Variants in FNDC4 observed in about 807,000 individuals in gnomAD.
FNDC4 encodes the protein fibronectin type III domain containing 4.
A neutral mutation model predicts 25.1 loss-of-function variants in FNDC4; 11 were observed. That is an observed-to-expected ratio of 0.44 (90% CI 0.28 to 0.73). The LOEUF (loss-of-function observed/expected upper bound fraction) is 0.73. FNDC4 is among the 30% of genes least tolerant of loss of function. The pLI is 0.16. For synonymous variants in FNDC4, 136 were observed against 118.8 expected (o/e 1.14, Z -0.94); for missense variants, 250 against 304.3 (o/e 0.82, Z 1.33).
At position 27,492,556 on chromosome 2, in the gene FNDC4, C is replaced by T. The variant is rs116956963; in HGVS notation, c.670-78G>A. The T allele has an allele frequency of 2.2e-4, 348 of 1,592,912 alleles. 1 individual carries two copies. The East Asian group carries it at 7.5e-3, about 34-fold the overall frequency. The stretch of plus-strand genomic sequence containing the variant: ...CCTTTCTCTCCAGCCTCCCCCATCC[C>T]AGATCTTCCATTCTCCATCTTTTTC... On this transcript the variant is annotated intron_variant, in intron 6 of 6. Transcript: ENST00000264703. This position sits in a 1 kb window ranked among gnomAD's most constrained non-coding sequence, Gnocchi z 4.1.
In FNDC4 at chr2:27,494,892, G is replaced by C. The variant is rs540975757; in HGVS notation, c.-39C>G. ...CCCACACCCACCTCCGCCGGTCCTC[G>C]CGGTTGGTCAGGCCTCGGGGGGCTG... On this transcript the variant is annotated 5_prime_UTR_variant, in exon 1 of 7. Coordinates refer to ENST00000264703, the MANE Select transcript of FNDC4 (RefSeq NM_022823.3). This position sits in a 1 kb window ranked among gnomAD's most constrained non-coding sequence, Gnocchi z 4.6. 12 of 492,864 alleles carry C rather than the reference G, an allele frequency of 2.4e-5. No homozygotes were observed. The Admixed American group carries it at 3.8e-4, about 16-fold the overall frequency. The allele number at this position is 492,864 out of a possible 1,614,324, so 30.5% of individuals were successfully genotyped here.
chr2:27,494,079 G>A lies in FNDC4; in HGVS notation c.305C>T (p.Ala102Val). ...TTCAGCCAGGCCCCAGAGGGCACAG[G>A]CCCGGGTGGTGGTGTTCACCTCCCG... ...VIREVNTTTR[A>V]CALWGLAEDS... Residue 102 changes from alanine (A) to valine (V), a missense_variant, in exon 4 of 7, where the codon GCC becomes GTC. Physicochemically the swap from Ala to Val is moderately conservative, Grantham distance 64 (BLOSUM62 0). Coordinates refer to ENST00000264703, the MANE Select transcript of FNDC4 (RefSeq NM_022823.3). The surrounding 1 kb of genome is among the most constrained non-coding windows in gnomAD (Gnocchi z 4.6). 2 of 1,614,174 alleles carry A rather than the reference G, an allele frequency of 1.2e-6. No homozygotes were observed. The highest frequency in any genetic ancestry group is 1.7e-6 in the Non-Finnish European group (2 of 1,180,026).
chr2:27,494,464 G>A lies in FNDC4; in HGVS notation c.136C>T (p.Arg46Trp), dbSNP rs1669332617. 2 of 1,614,032 alleles carry A rather than the reference G, an allele frequency of 1.2e-6. No homozygotes were observed. Among genetic ancestry groups the A allele is most frequent in the East Asian group, 2.2e-5 (1 of 44,866 alleles). Reference protein sequence around the residue: ...SCDLGFVRADRPPSPVNVTVT... With the variant: ...SCDLGFVRADWPPSPVNVTVT... ...GTCACATTCACAGGAGAGGGAGGCC[G>A]GTCTGCGGGAGCCAGGGTGTTTAAC... Residue 46 changes from arginine to tryptophan, a missense_variant and splice_region_variant, in exon 3 of 7, where the codon CGG (arginine) becomes TGG (tryptophan). Physicochemically the swap from Arg to Trp is moderately radical, Grantham distance 101. Coordinates refer to ENST00000264703, the MANE Select transcript of FNDC4 (RefSeq NM_022823.3). The surrounding 1 kb of genome is among the most constrained non-coding windows in gnomAD (Gnocchi z 4.6).
In FNDC4 at chr2:27,492,802, T is replaced by C; in HGVS notation, c.545-12A>G. 1 of 1,613,948 alleles carries C rather than the reference T, an allele frequency of 6.2e-7. No individual in the cohort carries two copies. The highest frequency in any genetic ancestry group is 1.6e-4 in the Middle Eastern group (1 of 6,062). ...CAGCCCAATTACAGCTGAAACACAA[T>C]ACAGTCTGAGCCTTCATCTCCACTT... On this transcript the variant is annotated splice_polypyrimidine_tract_variant and intron_variant, in intron 5 of 6. Coordinates refer to ENST00000264703, the MANE Select transcript of FNDC4 (RefSeq NM_022823.3). The surrounding 1 kb of genome is among the most constrained non-coding windows in gnomAD (Gnocchi z 4.1).
At position 27,492,814 on chromosome 2, in the gene FNDC4, C is replaced by G. The variant is rs1669288257; in HGVS notation, c.545-24G>C. The G allele has an allele frequency of 3.1e-6, 5 of 1,613,608 alleles. No individual in the cohort carries two copies. The highest frequency in any genetic ancestry group is 1.3e-5 in the African/African-American group (1 of 74,876). ...AGCTGAAACACAATACAGTCTGAGC[C>G]TTCATCTCCACTTCCCCCCTCATAG... is the stretch of plus-strand genomic sequence containing the variant. On this transcript the variant is annotated intron_variant, in intron 5 of 6. Coordinates refer to ENST00000264703, the MANE Select transcript of FNDC4 (RefSeq NM_022823.3). The surrounding 1 kb of genome is among the most constrained non-coding windows in gnomAD (Gnocchi z 4.1).
At chr2:27,493,354 T>G in intron 5 of FNDC4, 35 bp downstream of exon 5, 3 of 1,547,834 alleles carry the variant, frequency 1.9e-6, no homozygotes, top group Non-Finnish European at 2.7e-6. Flanking sequence ...ACACCTTTAC[T>G]GAGTCCCTGG....
In FNDC4 at chr2:27,492,078, C is replaced by T; in HGVS notation, c.*365G>A. Reference sequence around the variant, plus strand: ...GTAAGAGGAGTACCCACAGAAACACCCCTCTCTGAGGGCCAGAGGCAAGAT... The same window carrying T: ...GTAAGAGGAGTACCCACAGAAACACTCCTCTCTGAGGGCCAGAGGCAAGAT... On this transcript the variant is annotated 3_prime_UTR_variant, in exon 7 of 7. Coordinates refer to ENST00000264703, the MANE Select transcript of FNDC4 (RefSeq NM_022823.3). This position sits in a 1 kb window ranked among gnomAD's most constrained non-coding sequence, Gnocchi z 4.1. 1 of 315,868 alleles carries T rather than the reference C, an allele frequency of 3.2e-6. No individual in the cohort carries two copies. The highest frequency in any genetic ancestry group is 5.9e-6 in the Non-Finnish European group (1 of 168,726). The allele number at this position is 315,868 out of a possible 1,614,324, so 19.6% of individuals were successfully genotyped here. A position where few individuals can be genotyped will look rare whatever the true frequency, so the allele number is the denominator to read the frequency against.
chr2:27,493,348 C>T, intron 5 of FNDC4, 41 bp downstream of exon 5: 1 of 1,525,194 alleles, frequency 6.6e-7, no homozygotes, highest in South Asian at 1.1e-5. Flanking sequence ...CACCTCACAC[C>T]TTTACTGAGT....
intron 4 of FNDC4, 87 bp from the exon 5 acceptor site, chr2:27,493,565 A>T (rs965670616): frequency 1.9e-6 from 2 of 1,079,850 alleles, no homozygotes; most frequent in Admixed American, 1.7e-5. Flanking sequence ...GGGATTAGAA[A>T]GGGTGGACCC....
Position 27,492,358 on chromosome 2 carries a change from G to C in FNDC4, c.*85C>G. Reference sequence around the variant, plus strand: ...AGTGGCATTACCCTCTGGGAGTCTCGGGCAGATCACCATCTTGGGCTCCCC... The same window carrying C: ...AGTGGCATTACCCTCTGGGAGTCTCCGGCAGATCACCATCTTGGGCTCCCC... On this transcript the variant is annotated 3_prime_UTR_variant, in exon 7 of 7. Transcript: ENST00000264703. This position sits in a 1 kb window ranked among gnomAD's most constrained non-coding sequence, Gnocchi z 4.1. 1 of 1,532,926 alleles carries C rather than the reference G, an allele frequency of 6.5e-7. No individual in the cohort carries two copies. The allele number at this position is 1,532,926 out of a possible 1,614,324, so 95.0% of individuals were successfully genotyped here.
Position 27,494,207 on chromosome 2 carries a change from T to A in FNDC4, c.250-73A>T, listed in dbSNP as rs1028788243. 2 of 1,498,604 alleles carry A rather than the reference T, an allele frequency of 1.3e-6. No homozygotes were observed. Among genetic ancestry groups the A allele is most frequent in the Non-Finnish European group, 1.8e-6 (2 of 1,087,218 alleles). 92.8% of individuals were successfully genotyped at this position (1,498,604 alleles called of 1,614,324 possible). ...GCCACAAGGCTCAACCAGAGACTCT[T>A]CAACATCCAAGCACTCCGGGGGAGT... On this transcript the variant is annotated intron_variant, in intron 3 of 6. Transcript: ENST00000264703. This position sits in a 1 kb window ranked among gnomAD's most constrained non-coding sequence, Gnocchi z 4.6.
chr2:27,493,534 A>T, intron 4 of FNDC4, 56 bp from the exon 5 acceptor site: 24 of 1,283,004 alleles, frequency 1.9e-5, no homozygotes, highest in Non-Finnish European at 2.6e-5. Flanking sequence ...CATACTGCAG[A>T]CATGCAGGAT....
rs1157775639 is a variant in FNDC4, at chr2:27,492,417, TC to T, written c.*25del. On this transcript the variant is annotated 3_prime_UTR_variant, in exon 7 of 7. Transcript: ENST00000264703. This position sits in a 1 kb window ranked among gnomAD's most constrained non-coding sequence, Gnocchi z 4.1. ...ATCCCTATCCCCAGTTGTTAGTGCA[TC>T]TCTCTTCTGGGTGTGTTTCTTCACT... 10 of 1,613,866 alleles carry T rather than the reference TC, an allele frequency of 6.2e-6. No homozygotes were observed. In the Admixed American group the frequency reaches 1.3e-4, roughly 22 times the overall value.
At chr2:27,493,810 C>G (rs1669314006) in intron 4 of FNDC4, 120 bp downstream of exon 4, 1 of 945,524 alleles carries the variant, frequency 1.1e-6, no homozygotes, top group Non-Finnish European at 1.7e-6. Flanking sequence ...CCTTTCCTGG[C>G]AGTACAATGA....
In FNDC4 at chr2:27,494,966, T is replaced by G; in HGVS notation, c.-113A>C. The G allele has an allele frequency of 2.8e-5, 7 of 248,832 alleles. No individual in the cohort carries two copies. Among genetic ancestry groups the G allele is most frequent in the South Asian group, 1.7e-4 (1 of 5,910 alleles). 15.4% of individuals were successfully genotyped at this position (248,832 alleles called of 1,614,324 possible). ...TCGCCCGACTCGGTGGCGCTGCCCC[T>G]ACCCCATCCCGGCGCGGGCCCGGCG... On this transcript the variant is annotated 5_prime_UTR_variant, in exon 1 of 7. It removes the in-frame stop codon of an upstream open reading frame in the 5' UTR. Coordinates refer to ENST00000264703, the MANE Select transcript of FNDC4 (RefSeq NM_022823.3). This position sits in a 1 kb window ranked among gnomAD's most constrained non-coding sequence, Gnocchi z 4.6.
chr2:27,492,401 C>T lies in FNDC4; in HGVS notation c.*42G>A, dbSNP rs1486984065. 1.9e-6 allele frequency: 3 copies of T among 1,613,520 alleles called. No homozygotes were observed. The highest frequency in any genetic ancestry group is 1.3e-5 in the African/African-American group (1 of 74,882). ...GGCTCCCCCTGACCCCATCCCTATCCCCAGTTGTTAGTGCATCTCTCTTCT... is the reference window on the plus strand; with the variant it reads ...GGCTCCCCCTGACCCCATCCCTATCTCCAGTTGTTAGTGCATCTCTCTTCT... On this transcript the variant is annotated 3_prime_UTR_variant, in exon 7 of 7. Coordinates refer to ENST00000264703, the MANE Select transcript of FNDC4 (RefSeq NM_022823.3). The surrounding 1 kb of genome is among the most constrained non-coding windows in gnomAD (Gnocchi z 4.1).
In FNDC4 at chr2:27,494,422, C is replaced by T; in HGVS notation, c.178G>A (p.Ala60Thr). Residue 60 changes from alanine to threonine, a missense_variant, in exon 3 of 7, where the codon GCC becomes ACC. Transcript: ENST00000264703. The surrounding 1 kb of genome is among the most constrained non-coding windows in gnomAD (Gnocchi z 4.6). Reference protein sequence around the residue: ...PVNVTVTHLRANSATVSWDVP... With the variant: ...PVNVTVTHLRTNSATVSWDVP... ...TCCCAGGACACAGTGGCCGAGTTGG[C>T]TCTGAGGTGAGTGACCGTCACATTC... 6.2e-7 allele frequency: 1 copy of T among 1,614,180 alleles called. No homozygotes were observed. The highest frequency in any genetic ancestry group is 8.5e-7 in the Non-Finnish European group (1 of 1,180,030).
At position 27,492,553 on chromosome 2, in the gene FNDC4, T is replaced by C; in HGVS notation, c.670-75A>G. On this transcript the variant is annotated intron_variant, in intron 6 of 6. Transcript: ENST00000264703. This position sits in a 1 kb window ranked among gnomAD's most constrained non-coding sequence, Gnocchi z 4.1. ...CACCCTTTCTCTCCAGCCTCCCCCATCCCAGATCTTCCATTCTCCATCTTT... is the reference window on the plus strand; with the variant it reads ...CACCCTTTCTCTCCAGCCTCCCCCACCCCAGATCTTCCATTCTCCATCTTT... The C allele has an allele frequency of 6.3e-7, 1 of 1,588,202 alleles. No homozygotes were observed. The highest frequency in any genetic ancestry group is 1.1e-5 in the South Asian group (1 of 90,528).
In FNDC4 at chr2:27,494,355, T is replaced by C; in HGVS notation, c.245A>G (p.Gln82Arg). ...GNIVIGYSIS[Q>R]QRQNGPGQRV... The stretch of plus-strand genomic sequence containing the variant: ...GAGCAGAAGGGTGATTCATACTTGC[T>C]GGGAAATGGAGTAGCCAATGACGAT... Residue 82 changes from glutamine (Q) to arginine (R), a missense_variant, in exon 3 of 7, where the codon CAG becomes CGG. Transcript: ENST00000264703. This position sits in a 1 kb window ranked among gnomAD's most constrained non-coding sequence, Gnocchi z 4.6. 6.2e-7 allele frequency: 1 copy of C among 1,612,226 alleles called. No homozygotes were observed. The highest frequency in any genetic ancestry group is 8.5e-7 in the Non-Finnish European group (1 of 1,178,230).
Sources: allele counts gnomAD v4.1 joint callset, GRCh38; gene constraint gnomAD v4.1.1; non-coding constraint Gnocchi (gnomAD v3.1); transcripts MANE v1.5; gene names NCBI Gene and HGNC (gene_info 2026-07-23, HGNC 2026-07-21).